The following SCARA5 variants were observed in gnomAD, a reference collection of about 807,000 sequenced individuals.
SCARA5 encodes the protein scavenger receptor class A member 5, also known as scavenger receptor class A, member 5 (putative).
Under a neutral mutation model 46.3 loss-of-function variants are expected in SCARA5, and 45 were observed. That is an observed-to-expected ratio of 0.97 (90% CI 0.76 to 1.24). The LOEUF is 1.24. Among genes scored for constraint, SCARA5 ranks in the 50% most tolerant of loss-of-function variants. The pLI, the probability that SCARA5 is intolerant of heterozygous loss-of-function variation, is 0.00. For missense variants in SCARA5, 680 were observed against 689.0 expected (o/e 0.99, Z 0.15); for synonymous variants, 333 against 306.5 (o/e 1.09, Z -0.90).
intron 2 of SCARA5, among the ~76,000 whole-genome samples, chr8:27,970,734 A>G (rs1403799010): frequency 6.6e-6 from 1 of 152,022 alleles, no homozygotes; most frequent in Non-Finnish European, 1.5e-5. Flanking sequence ...AGAACCCTCC[A>G]ATTTTGGGGC....
chr8:27,876,528 G>A (rs1330047639), intron 8 of SCARA5, among the ~76,000 whole-genome samples: 3 of 152,266 alleles, frequency 2.0e-5, no homozygotes, highest in East Asian at 3.9e-4. Context: ...TGACTGGTAG[G>A]ACGGTTCTGG....
At chr8:27,935,769 G>C (rs1027731436) in intron 3 of SCARA5, among the ~76,000 whole-genome samples, 8 of 152,170 alleles carry the variant, frequency 5.3e-5, no homozygotes, top group Non-Finnish European at 1.0e-4. Flanking sequence ...CAGATAGGGG[G>C]AGAGCAGGGT....
At chr8:27,909,880 C>A in intron 4 of SCARA5, 137 bp from the exon 5 acceptor site, 1 of 572,170 alleles carries the variant, frequency 1.7e-6, no homozygotes, top group South Asian at 2.4e-5. Context: ...AGGAAACCCC[C>A]AGCCCAGTCT....
chr8:27,922,712 G>C (rs542953083), intron 3 of SCARA5, among the ~76,000 whole-genome samples: 23 of 152,326 alleles, frequency 1.5e-4, no homozygotes, highest in Non-Finnish European at 2.9e-4. Context: ...CTCAACTTTA[G>C]AGGGTGGGTA....
In SCARA5 at chr8:27,909,984, G is replaced by A. The variant is rs1411741462; in HGVS notation, c.917-241C>T. ...GTTAGCTAAGTAAACAGAGGGGTGG[G>A]AGAGGGACACACACACACTGAATAT... On this transcript the variant is annotated intron_variant, in intron 4 of 8. Transcript: ENST00000354914. Among the ~76,000 whole-genome samples, 3 of 152,010 alleles carry A rather than the reference G, an allele frequency of 2.0e-5. No homozygotes were observed. The East Asian group carries it at 5.8e-4, about 29-fold the overall frequency.
chr8:27,941,842 T>TATTA (rs60315647), intron 3 of SCARA5, among the ~76,000 whole-genome samples: 3 of 147,400 alleles, frequency 2.0e-5, no homozygotes, highest in Admixed American at 6.9e-5. Flanking sequence ...TTATTATTAT[T>TATTA]TTGAGGCAGA....
At chr8:27,885,803 G>A (rs1585463761) in intron 7 of SCARA5, among the ~76,000 whole-genome samples, 2 of 152,344 alleles carry the variant, frequency 1.3e-5, no homozygotes, top group South Asian at 4.1e-4. Context: ...GCTGTCAGAT[G>A]ATCATGGTGG....
At chr8:27,942,667 G>A (rs891097805) in intron 3 of SCARA5, among the ~76,000 whole-genome samples, 3 of 152,126 alleles carry the variant, frequency 2.0e-5, no homozygotes, top group Non-Finnish European at 2.9e-5. Context: ...CGGGCTGCAC[G>A]GTACTGCAGA....
chr8:27,956,737 G>A (rs1421329648), intron 3 of SCARA5, among the ~76,000 whole-genome samples: 1 of 152,090 alleles, frequency 6.6e-6, no homozygotes, highest in Admixed American at 6.5e-5. Flanking sequence ...CTCATAGCAG[G>A]GGCCTCTCTT....
At chr8:27,981,364 T>C (rs965181427) in intron 2 of SCARA5, among the ~76,000 whole-genome samples, 1 of 152,078 alleles carries the variant, frequency 6.6e-6, no homozygotes, top group Admixed American at 6.5e-5. Flanking sequence ...ATGGGAGCAG[T>C]TGCCAGAACC....
intron 8 of SCARA5, among the ~76,000 whole-genome samples, chr8:27,874,418 A>G (rs1306793131): frequency 6.6e-6 from 1 of 152,240 alleles, no homozygotes; most frequent in African/African-American, 2.4e-5. Context: ...AGTCCACAGC[A>G]TGTAACACTC....
At chr8:27,891,919 C>A (rs189987749) in intron 7 of SCARA5, among the ~76,000 whole-genome samples, 26 of 152,326 alleles carry the variant, frequency 1.7e-4, no homozygotes, top group African/African-American at 6.3e-4. Flanking sequence ...TAGGGTCCAG[C>A]TTTGTCTGTC....
intron 7 of SCARA5, among the ~76,000 whole-genome samples, chr8:27,896,677 T>C (rs1026025893): frequency 2.0e-5 from 3 of 151,886 alleles, no homozygotes; most frequent in Non-Finnish European, 2.9e-5. Flanking sequence ...AACCTCTGAG[T>C]CAGCGAGAAA....
chr8:27,954,277 C>T (rs1019810333), intron 3 of SCARA5, among the ~76,000 whole-genome samples: 2 of 151,998 alleles, frequency 1.3e-5, no homozygotes, highest in African/African-American at 4.8e-5. Flanking sequence ...GTTCTCGGGG[C>T]GACAGAAGAT....
chr8:27,963,517 C>T (rs1264950895), intron 3 of SCARA5, among the ~76,000 whole-genome samples: 2 of 152,112 alleles, frequency 1.3e-5, no homozygotes, highest in African/African-American at 4.8e-5. Flanking sequence ...GGAAGAGAAC[C>T]CAGTGCCAGC....
intron 3 of SCARA5, among the ~76,000 whole-genome samples, chr8:27,927,900 A>G (rs1301231386): frequency 1.3e-5 from 2 of 152,236 alleles, no homozygotes; most frequent in Admixed American, 6.5e-5. Context: ...TTTCACAGAT[A>G]TAAAATGGTA....
rs571899002 is a variant in SCARA5 at position 27,981,101 on chromosome 8, G to T, written c.112+6403C>A. ...ATCGAGGGGCTACTGTGTGCAAGGC[G>T]CTTTACCCGGGTTATATCATGTAAT... On this transcript the variant is annotated intron_variant, in intron 2 of 8. Coordinates refer to ENST00000354914, the MANE Select transcript of SCARA5 (RefSeq NM_173833.6). Among the ~76,000 whole-genome samples, 7 of 152,242 alleles carry T rather than the reference G, an allele frequency of 4.6e-5. No homozygotes were observed. In the East Asian group the frequency reaches 1.4e-3, roughly 29 times the overall value.
intron 4 of SCARA5, 52 bp from the exon 5 acceptor site, chr8:27,909,795 A>T (rs376855616): frequency 1.6e-6 from 2 of 1,255,740 alleles, no homozygotes; most frequent in Non-Finnish European, 2.3e-6. Flanking sequence ...CTGAAACAGG[A>T]CCAGGTCATC....
At chr8:27,902,024 G>A (rs535725720) in intron 7 of SCARA5, among the ~76,000 whole-genome samples, 2 of 152,288 alleles carry the variant, frequency 1.3e-5, no homozygotes, top group Admixed American at 1.3e-4. Context: ...CTCATGTTGT[G>A]TAGAGCTTCC....
Sources: allele counts gnomAD v4.1 joint callset (sites outside exome capture counted in the v4.1 genomes callset), GRCh38; gene constraint gnomAD v4.1.1; transcripts MANE v1.5; gene names NCBI Gene and HGNC (gene_info 2026-07-23, HGNC 2026-07-21).